The following GTF2I variants were observed in gnomAD, a reference collection of about 807,000 sequenced individuals.
GTF2I encodes the protein general transcription factor II-I.
Under a neutral mutation model 67.6 loss-of-function variants are expected in GTF2I, and 12 were observed. That is an observed-to-expected ratio of 0.18 (90% CI 0.11 to 0.29). The LOEUF is 0.29. Among genes scored for constraint, GTF2I ranks in the 10% least tolerant of loss-of-function variants. GTF2I has a pLI of 1.00. For missense variants in GTF2I, 271 were observed against 580.1 expected (o/e 0.47, Z 5.47); for synonymous variants, 149 against 197.0 (o/e 0.76, Z 2.04).
At chr7:74,716,776 C>A in intron 10 of GTF2I, 118 bp from the exon 11 acceptor site, 1 of 641,858 alleles carries the variant, frequency 1.6e-6, no homozygotes, top group South Asian at 2.0e-5. Flanking sequence ...AAGAGTTAGA[C>A]AATCATTTTG....
At chr7:74,664,634 T>C (rs782151789) in intron 1 of GTF2I, among the ~76,000 whole-genome samples, 2 of 152,072 alleles carry the variant, frequency 1.3e-5, no homozygotes, top group Non-Finnish European at 2.9e-5. Context: ...GGTTTCACCA[T>C]GTTGGCCAGG....
At chr7:74,733,743 G>A (rs1219625431) in intron 15 of GTF2I, 180 bp from the exon 16 acceptor site, 6 of 234,656 alleles carry the variant, frequency 2.6e-5, no homozygotes, top group Non-Finnish European at 4.7e-5. Context: ...TCCAGCCTGG[G>A]AACAAGAGCA....
intron 1 of GTF2I, among the ~76,000 whole-genome samples, chr7:74,669,128 A>G (rs936858805): frequency 6.6e-6 from 1 of 151,506 alleles, no homozygotes; most frequent in Non-Finnish European, 1.5e-5. Flanking sequence ...AGAACACAGC[A>G]TGTTTCTTGG....
intron 1 of GTF2I, among the ~76,000 whole-genome samples, chr7:74,688,712 C>A (rs1011220796): frequency 3.9e-5 from 6 of 152,166 alleles, no homozygotes; most frequent in African/African-American, 1.4e-4. Context: ...TCCACTCAGC[C>A]TCAGTCCACT....
At chr7:74,690,896 G>T in intron 2 of GTF2I, 77 bp from the exon 3 acceptor site, 1 of 1,358,680 alleles carries the variant, frequency 7.4e-7, no homozygotes, top group African/African-American at 1.5e-5. Context: ...AATGTTGTTA[G>T]TTTTTTTAAT....
chr7:74,658,449 C>G (rs1397986756), intron 1 of GTF2I, among the ~76,000 whole-genome samples: 18 of 145,576 alleles, frequency 1.2e-4, no homozygotes, highest in Admixed American at 4.1e-4. Context: ...CGCGCGCGAG[C>G]GAGCGAGCGG....
intron 1 of GTF2I, among the ~76,000 whole-genome samples, chr7:74,685,851 A>G (rs972022707): frequency 3.3e-5 from 5 of 151,346 alleles, no homozygotes; most frequent in Middle Eastern, 3.5e-3. Context: ...CAGGAGATCG[A>G]TACCATCCTG....
intron 1 of GTF2I, among the ~76,000 whole-genome samples, chr7:74,659,345 A>G (rs1804263206): frequency 6.6e-6 from 1 of 151,820 alleles, no homozygotes; most frequent in Admixed American, 6.6e-5. Context: ...CTCCTGCCTC[A>G]GCCTCCTCAG....
rs372072317 is a variant in GTF2I at position 74,706,492 on chromosome 7, A to T, written c.685+59A>T. 2.1e-5 allele frequency: 26 copies of T among 1,245,204 alleles called. No individual in the cohort carries two copies. In the African/African-American group the frequency reaches 3.5e-4, roughly 17 times the overall value. The allele number at this position is 1,245,204 out of a possible 1,614,324, so 77.1% of individuals were successfully genotyped here. A position where few individuals can be genotyped will look rare whatever the true frequency, so the allele number is the denominator to read the frequency against. On this transcript the variant is annotated intron_variant, in intron 8 of 34. Transcript: ENST00000573035. ...ATTAAGGAAGACTTTTCCTTAGTGT[A>T]GAAGTTTATAGTTTGACTCAATTAT...
In GTF2I at chr7:74,697,459, G is replaced by C. The variant is rs79254987; in HGVS notation, c.239-1502G>C. Among the ~76,000 whole-genome samples, 1,276 of 152,242 alleles carry C rather than the reference G, an allele frequency of 8.4e-3. 22 individuals are homozygous for C. Among genetic ancestry groups the C allele is most frequent in the African/African-American group, 0.027 (1,141 of 41,532 alleles). ...TTTTGTACCAAGTCTTCAAAATCCA[G>C]TGTGTATTGTACACTCATGAAACAT... On this transcript the variant is annotated intron_variant, in intron 3 of 34. Transcript: ENST00000573035.
rs587601940 is a variant in GTF2I, at chr7:74,661,806, T to G, written c.-6+3738T>G. On this transcript the variant is annotated intron_variant, in intron 1 of 34. Coordinates refer to ENST00000573035, the MANE Select transcript of GTF2I (RefSeq NM_032999.4). ...AGCCATGATTAGAAAAGTTAAAAGT[T>G]TCATAAGTCTCCAGTTTAAAAAGGG... Among the ~76,000 whole-genome samples the G allele has an allele frequency of 2.0e-5, 3 of 152,316 alleles. No individual in the cohort carries two copies. The East Asian group carries it at 5.8e-4, about 29-fold the overall frequency.
Position 74,699,040 on chromosome 7 carries a change from T to C in GTF2I, c.318T>C (p.Ala106=), listed in dbSNP as rs781931714. Residue 106 remains alanine, a synonymous_variant, in exon 4 of 35, where the codon GCT becomes GCC. Transcript: ENST00000573035. The part of the protein sequence containing the change: ...TTQANRMSVD[A]VEIETLRKTV... ...AGGCAAATCGGATGAGTGTAGATGC[T>C]GTAGAAATTGAAACACTCAGAAAAA... is the stretch of plus-strand genomic sequence containing the variant. 1.9e-6 allele frequency: 3 copies of C among 1,552,386 alleles called. No individual in the cohort carries two copies. The highest frequency in any genetic ancestry group is 1.4e-5 in the African/African-American group (1 of 73,058).
chr7:74,684,537 T>A (rs1173226804), intron 1 of GTF2I: 1 of 152,148 alleles, frequency 6.6e-6, no homozygotes, highest in Non-Finnish European at 1.5e-5. Flanking sequence ...AAGAGAGCCG[T>A]CCCCAAGTGA....
intron 1 of GTF2I, among the ~76,000 whole-genome samples, chr7:74,659,258 CTG>C: frequency 6.6e-6 from 1 of 151,800 alleles, no homozygotes; most frequent in East Asian, 1.9e-4. Context: ...CAGGGTCTCT[CTG>C]TGTTGCCCTG....
At position 74,711,015 on chromosome 7, in the gene GTF2I, T is replaced by G. The variant is rs1791481298; in HGVS notation, c.686-17T>G. 1 of 1,375,732 alleles carries G rather than the reference T, an allele frequency of 7.3e-7. No homozygotes were observed. Among genetic ancestry groups the G allele is most frequent in the African/African-American group, 1.4e-5 (1 of 68,984 alleles). 85.2% of individuals were successfully genotyped at this position (1,375,732 alleles called of 1,614,324 possible). A position where few individuals can be genotyped will look rare whatever the true frequency, so the allele number is the denominator to read the frequency against. On this transcript the variant is annotated splice_polypyrimidine_tract_variant and intron_variant, in intron 8 of 34. Coordinates refer to ENST00000573035, the MANE Select transcript of GTF2I (RefSeq NM_032999.4). ...AAGTTCTCACATGCAATCATATCATTGCATTTGCTTTTCTAGGCATTTCCC... is the reference window on the plus strand; with the variant it reads ...AAGTTCTCACATGCAATCATATCATGGCATTTGCTTTTCTAGGCATTTCCC...
intron 12 of GTF2I, among the ~76,000 whole-genome samples, chr7:74,721,144 C>T (rs1554404541): frequency 2.6e-5 from 4 of 152,196 alleles, no homozygotes; most frequent in African/African-American, 9.7e-5. Context: ...CAGGTTCAAG[C>T]GATTCTCCTG....
At chr7:74,711,132 T>G (rs781795907) in intron 9 of GTF2I, 23 bp downstream of exon 9, 6 of 1,065,840 alleles carry the variant, frequency 5.6e-6, no homozygotes, top group Non-Finnish European at 6.9e-6. Context: ...AATGCAATTT[T>G]TCTTTCTAAA....
chr7:74,690,896 GT>G (rs1216607307), intron 2 of GTF2I, 76 bp from the exon 3 acceptor site: 9 of 1,358,564 alleles, frequency 6.6e-6, no homozygotes, highest in Admixed American at 4.5e-5. Context: ...AATGTTGTTA[GT>G]TTTTTTAATT....
intron 1 of GTF2I, among the ~76,000 whole-genome samples, chr7:74,668,906 A>T (rs1189625940): frequency 2.6e-5 from 4 of 151,744 alleles, no homozygotes; most frequent in Admixed American, 1.3e-4. Context: ...AAAATACATT[A>T]ATTTATTTTT....
Sources: gnomAD v4.1 joint callset for allele counts (sites outside exome capture counted in the v4.1 genomes callset) on GRCh38, gnomAD v4.1.1 for gene constraint, MANE v1.5 for transcripts, NCBI Gene and HGNC (gene_info 2026-07-23, HGNC 2026-07-21) for gene names.